Variants in PTPN2 observed in about 807,000 individuals in gnomAD.
PTPN2 encodes tyrosine-protein phosphatase non-receptor type 2.
Under a neutral mutation model 57.3 loss-of-function variants are expected in PTPN2, and 19 were observed. The ratio of observed to expected loss-of-function variants is 0.33; its 90% confidence interval spans 0.23 to 0.49. The LOEUF is 0.49. PTPN2 is among the 20% of genes least tolerant of loss of function. The probability of loss-of-function intolerance (pLI) is 0.99; values close to 1 mark genes in which losing one functional copy is unlikely to be tolerated. For missense variants in PTPN2, 358 were observed against 501.1 expected (o/e 0.71, Z 2.73); for synonymous variants, 153 against 164.9 (o/e 0.93, Z 0.55).
chr18:12,817,093 C>A (rs1030009998), intron 6 of PTPN2, 63 bp downstream of exon 6: 13 of 1,439,718 alleles, frequency 9.0e-6, no homozygotes, highest in Non-Finnish European at 1.2e-5. Flanking sequence ...TATTCACTGC[C>A]AGTGGAAGCA....
intron 9 of PTPN2, chr18:12,786,900 G>A (rs1167066360): frequency 6.6e-6 from 1 of 152,192 alleles, no homozygotes; most frequent in East Asian, 1.9e-4. Context: ...ATTAGATAAT[G>A]TGAGCCCACA....
intron 1 of PTPN2, among the ~76,000 whole-genome samples, chr18:12,883,297 G>C (rs1375676210): frequency 6.6e-6 from 1 of 152,188 alleles, no homozygotes; most frequent in Non-Finnish European, 1.5e-5. Context: ...CGCTATCACT[G>C]GACGAACACA....
Position 12,802,065 on chromosome 18 carries a change from C to A in PTPN2, c.945G>T (p.Gly315=). The A allele has an allele frequency of 6.2e-7, 1 of 1,612,598 alleles. No homozygotes were observed. The highest frequency in any genetic ancestry group is 8.5e-7 in the Non-Finnish European group (1 of 1,179,230). ...TTTCTTCTTCTAGACCTATTCTGTTCCCATTGTATTTTTCAGTCATTATTT... is the reference window on the plus strand; with the variant it reads ...TTTCTTCTTCTAGACCTATTCTGTTACCATTGTATTTTTCAGTCATTATTT... The part of the protein sequence containing the change: ...PNKIMTEKYN[G]NRIGLEEEKL... The change falls in exon 8 of 9, where the codon GGG becomes GGT. Residue 315 remains glycine, a synonymous_variant. Coordinates refer to ENST00000309660, the MANE Select transcript of PTPN2 (RefSeq NM_002828.4).
At chr18:12,786,293 C>T (rs1357582786) in intron 9 of PTPN2, 2 of 157,266 alleles carry the variant, frequency 1.3e-5, no homozygotes, top group African/African-American at 4.8e-5. Context: ...CTGTGTAATA[C>T]TGCTAAAAAT....
intron 5 of PTPN2, among the ~76,000 whole-genome samples, chr18:12,821,656 A>G (rs150606433): frequency 2.8e-4 from 42 of 152,344 alleles, no homozygotes; most frequent in African/African-American, 9.4e-4. Flanking sequence ...AGAGAAAGCA[A>G]TATGCAAAGG....
chr18:12,813,813 T>C (rs1466766523), intron 7 of PTPN2, among the ~76,000 whole-genome samples: 1 of 152,256 alleles, frequency 6.6e-6, no homozygotes, highest in Non-Finnish European at 1.5e-5. Context: ...AATTTCATTA[T>C]ATCTGCCATA....
At chr18:12,807,584 A>ATAT (rs1555660747) in intron 7 of PTPN2, among the ~76,000 whole-genome samples, 127 of 54,968 alleles carry the variant, frequency 2.3e-3, no homozygotes, top group East Asian at 0.022. Flanking sequence ...AAAAAAAAAA[A>ATAT]AAATATATAT....
At chr18:12,824,648 A>G (rs1037105712) in intron 5 of PTPN2, among the ~76,000 whole-genome samples, 26 of 152,316 alleles carry the variant, frequency 1.7e-4, no homozygotes, top group Non-Finnish European at 3.5e-4. Flanking sequence ...ATTCTATTAC[A>G]ACACAAAGAG....
chr18:12,812,390 A>G (rs2041921438), intron 7 of PTPN2, among the ~76,000 whole-genome samples: 1 of 152,236 alleles, frequency 6.6e-6, no homozygotes, highest in African/African-American at 2.4e-5. Flanking sequence ...ACTTGAGGTC[A>G]GGAGTTCGAG....
intron 2 of PTPN2, chr18:12,841,103 T>C: frequency 3.7e-6 from 3 of 816,166 alleles, no homozygotes; most frequent in Non-Finnish European, 3.4e-6. Flanking sequence ...ACTGATACTT[T>C]ATTGCATAAA....
chr18:12,836,555 AT>A (rs1391339668), intron 3 of PTPN2, among the ~76,000 whole-genome samples: 1 of 152,264 alleles, frequency 6.6e-6, no homozygotes, highest in East Asian at 1.9e-4. Context: ...GGCCTAAGCC[AT>A]TTCCTAAGAA....
intron 1 of PTPN2, among the ~76,000 whole-genome samples, chr18:12,880,069 T>C (rs1413088822): frequency 6.6e-5 from 10 of 152,068 alleles, no homozygotes; most frequent in Admixed American, 5.9e-4. Context: ...GCTAAAGAAG[T>C]ACGCAACAGG....
chr18:12,805,895 T>C (rs1555660223), intron 7 of PTPN2, among the ~76,000 whole-genome samples: 1 of 152,146 alleles, frequency 6.6e-6, no homozygotes, highest in Non-Finnish European at 1.5e-5. Flanking sequence ...CCCAAAGTGC[T>C]GGGATTACAG....
chr18:12,788,452 T>TTTTTTTA (rs1555654857), downstream of PTPN2, among the ~76,000 whole-genome samples: 13 of 148,606 alleles, frequency 8.7e-5, no homozygotes, highest in African/African-American at 1.5e-4. Context: ...TTTTTTTTTT[T>TTTTTTTA]AAATAGAGTG....
At chr18:12,838,649 A>G (rs1272097461) in intron 2 of PTPN2, among the ~76,000 whole-genome samples, 2 of 152,208 alleles carry the variant, frequency 1.3e-5, no homozygotes, top group African/African-American at 2.4e-5. Context: ...ATTAATATAC[A>G]GAGTCAACAA....
At chr18:12,848,584 T>A (rs910041737) in intron 2 of PTPN2, among the ~76,000 whole-genome samples, 3 of 152,196 alleles carry the variant, frequency 2.0e-5, no homozygotes, top group African/African-American at 7.2e-5. Flanking sequence ...CCAGGTCTCA[T>A]AGAGATGCCT....
chr18:12,798,943 A>T (rs982109778), intron 8 of PTPN2, among the ~76,000 whole-genome samples: 14 of 152,146 alleles, frequency 9.2e-5, no homozygotes, highest in African/African-American at 3.1e-4. Context: ...ATTATTTGTG[A>T]TATGCTGATA....
At chr18:12,809,096 T>C (rs909904470) in intron 7 of PTPN2, among the ~76,000 whole-genome samples, 4 of 152,202 alleles carry the variant, frequency 2.6e-5, no homozygotes, top group Non-Finnish European at 5.9e-5. Context: ...GGCAGCTGGC[T>C]AGCCCACCAC....
intron 2 of PTPN2, chr18:12,840,637 G>C (rs2043012597): frequency 6.6e-7 from 1 of 1,507,224 alleles, no homozygotes; most frequent in Non-Finnish European, 9.0e-7. Context: ...CTGTCACTCA[G>C]GGAAGTCAAG....
Sources: allele counts gnomAD v4.1 joint callset (sites outside exome capture counted in the v4.1 genomes callset), GRCh38; gene constraint gnomAD v4.1.1; transcripts MANE v1.5; gene names NCBI Gene and HGNC (gene_info 2026-07-23, HGNC 2026-07-21).